The following STPG2 variants were observed in gnomAD, a reference collection of about 807,000 sequenced individuals.
STPG2 encodes sperm tail PG-rich repeat containing 2.
STPG2 carries 56 observed loss-of-function variants against 54.2 expected under a neutral mutation model. The observed-to-expected ratio is 1.03, with a 90% CI of 0.83 to 1.29. STPG2 has a LOEUF of 1.29. Among genes scored for constraint, STPG2 ranks in the 50% most tolerant of loss-of-function variants. STPG2 has a pLI of 0.00. For synonymous variants in STPG2, 200 were observed against 181.8 expected (o/e 1.10, Z -0.81); for missense variants, 596 against 544.9 (o/e 1.09, Z -0.93).
chr4:97,633,506 G>C (rs1249369654), intron 10 of STPG2: 1 of 152,430 alleles, frequency 6.6e-6, no homozygotes, highest in Non-Finnish European at 1.5e-5. Context: ...TGGCCGAAAA[G>C]GAACAGCTCC....
chr4:97,854,146 G>A (rs934494604), intron 8 of STPG2, among the ~76,000 whole-genome samples: 10 of 152,066 alleles, frequency 6.6e-5, no homozygotes, highest in African/African-American at 1.4e-4. Context: ...TTTAGCATCC[G>A]TCTATCAGCC....
chr4:97,881,583 T>C (rs1366788926), intron 8 of STPG2, among the ~76,000 whole-genome samples: 2 of 152,152 alleles, frequency 1.3e-5, no homozygotes, highest in Non-Finnish European at 2.9e-5. Flanking sequence ...ATGACATAAA[T>C]AATATTCTGC....
chr4:97,672,934 A>G (rs1268408506), intron 10 of STPG2, among the ~76,000 whole-genome samples: 12 of 152,224 alleles, frequency 7.9e-5, no homozygotes, highest in Non-Finnish European at 1.5e-5. Context: ...GGCTTTTAGA[A>G]CTTCCCCAGT....
At chr4:97,631,713 G>T (rs1006263732) in intron 10 of STPG2, among the ~76,000 whole-genome samples, 1 of 152,004 alleles carries the variant, frequency 6.6e-6, no homozygotes, top group African/African-American at 2.4e-5. Context: ...AACAAAGCCT[G>T]AGAATGTCAC....
At chr4:98,126,259 G>A (rs1481107456) in intron 3 of STPG2, among the ~76,000 whole-genome samples, 1 of 152,184 alleles carries the variant, frequency 6.6e-6, no homozygotes, top group Non-Finnish European at 1.5e-5. Flanking sequence ...CTGGGCCAGA[G>A]TATGAAAAAC....
chr4:98,106,860 C>T (rs915201664), intron 4 of STPG2, among the ~76,000 whole-genome samples: 1 of 152,042 alleles, frequency 6.6e-6, no homozygotes, highest in Admixed American at 6.6e-5. Flanking sequence ...GCTATACAGA[C>T]CACACTACTA....
At chr4:97,477,101 T>C (rs1730090868) in intron 4 of STPG2, among the ~76,000 whole-genome samples, 1 of 152,232 alleles carries the variant, frequency 6.6e-6, no homozygotes, top group Admixed American at 6.5e-5. Context: ...TAGAGTCCTC[T>C]GAGTGTGTGT....
At chr4:97,912,369 G>T (rs1027363594) in intron 8 of STPG2, among the ~76,000 whole-genome samples, 30 of 152,132 alleles carry the variant, frequency 2.0e-4, no homozygotes, top group African/African-American at 7.2e-4. Flanking sequence ...TAATTAACTT[G>T]GCTGAGCTAA....
At chr4:98,086,418 A>G (rs1364344613) in intron 5 of STPG2, among the ~76,000 whole-genome samples, 1 of 152,078 alleles carries the variant, frequency 6.6e-6, no homozygotes, top group Non-Finnish European at 1.5e-5. Flanking sequence ...AAAATACACA[A>G]TAGTAAGAAA....
At chr4:97,449,828 G>A (rs1482129422) in intron 4 of STPG2, among the ~76,000 whole-genome samples, 2 of 152,160 alleles carry the variant, frequency 1.3e-5, no homozygotes, top group Non-Finnish European at 2.9e-5. Context: ...TCCATGATCA[G>A]AGTGAGAGCA....
intron 7 of STPG2, among the ~76,000 whole-genome samples, chr4:97,962,214 G>A (rs1385168682): frequency 6.6e-6 from 1 of 152,140 alleles, no homozygotes; most frequent in East Asian, 1.9e-4. Context: ...GGGGGAATGG[G>A]TGGAAGGGAA....
At chr4:97,917,720 T>C (rs1305218303) in intron 8 of STPG2, among the ~76,000 whole-genome samples, 1 of 152,164 alleles carries the variant, frequency 6.6e-6, no homozygotes. Context: ...TCATAAACTC[T>C]GGGGACAAAA....
chr4:97,865,554 G>T (rs1729736507), intron 8 of STPG2, among the ~76,000 whole-genome samples: 1 of 152,040 alleles, frequency 6.6e-6, no homozygotes, highest in South Asian at 2.1e-4. Context: ...TCTAGAACTA[G>T]AAATACCATT....
At chr4:97,726,444 A>G (rs1262703442) in intron 9 of STPG2, among the ~76,000 whole-genome samples, 1 of 151,944 alleles carries the variant, frequency 6.6e-6, no homozygotes, top group African/African-American at 2.4e-5. Flanking sequence ...ATTTTCTCTT[A>G]CGTGTATTTT....
Position 97,727,785 on chromosome 4 carries a change from G to T in STPG2, c.1205-14971C>A, listed in dbSNP as rs555699687. On this transcript the variant is annotated intron_variant, in intron 9 of 10. Transcript: ENST00000295268. ...TGTGTAAATTAATTTAAAAATTTTT[G>T]ATTTCCAGGATAGCCACATTAGTGT... Among the ~76,000 whole-genome samples, 10 of 147,946 alleles carry T rather than the reference G, an allele frequency of 6.8e-5. No individual in the cohort carries two copies. In the East Asian group the frequency reaches 1.2e-3, roughly 18 times the overall value.
At chr4:97,493,874 AG>A (rs1560632152) in intron 4 of STPG2, among the ~76,000 whole-genome samples, 2 of 151,598 alleles carry the variant, frequency 1.3e-5, no homozygotes. Context: ...CTCTTTGCAA[AG>A]ATGGAATCCA....
chr4:97,496,207 T>C (rs1419062936), intron 4 of STPG2, among the ~76,000 whole-genome samples: 1 of 151,726 alleles, frequency 6.6e-6, no homozygotes, highest in African/African-American at 2.4e-5. Context: ...GTATTTTCAA[T>C]AAGAATATAC....
chr4:98,056,778 G>A (rs1443983053), intron 5 of STPG2, among the ~76,000 whole-genome samples: 1 of 152,088 alleles, frequency 6.6e-6, no homozygotes, highest in Admixed American at 6.5e-5. Flanking sequence ...CCCCCTTGCT[G>A]TTCTCATGAT....
At chr4:97,485,686 T>C (rs758890325) in intron 4 of STPG2, among the ~76,000 whole-genome samples, 18 of 151,656 alleles carry the variant, frequency 1.2e-4, no homozygotes, top group Non-Finnish European at 2.5e-4. Flanking sequence ...CCATCATTCT[T>C]CACAGAATTA....
Sources: gnomAD v4.1 joint callset for allele counts (sites outside exome capture counted in the v4.1 genomes callset) on GRCh38, gnomAD v4.1.1 for gene constraint, MANE v1.5 for transcripts, NCBI Gene and HGNC (gene_info 2026-07-23, HGNC 2026-07-21) for gene names.